CADM2: variants seen among roughly 807,000 people sequenced by gnomAD.
CADM2 encodes the protein immunoglobulin superfamily member 4D.
CADM2 carries 12 observed loss-of-function variants against 49.8 expected under a neutral mutation model. That is an observed-to-expected ratio of 0.24 (90% CI 0.15 to 0.39). CADM2 has a LOEUF of 0.39. Among genes scored for constraint, CADM2 ranks in the 10% least tolerant of loss-of-function variants. The pLI is 1.00. For synonymous variants in CADM2, 214 were observed against 175.4 expected (o/e 1.22, Z -1.74); for missense variants, 378 against 492.3 (o/e 0.77, Z 2.20).
At chr3:85,984,759 C>A (rs1727894116) in intron 8 of CADM2, among the ~76,000 whole-genome samples, 1 of 151,860 alleles carries the variant, frequency 6.6e-6, no homozygotes, top group Non-Finnish European at 1.5e-5. Flanking sequence ...AGTGTTTACA[C>A]AATCCATGTA....
intron 1 of CADM2, among the ~76,000 whole-genome samples, chr3:85,505,415 G>C (rs1044971910): frequency 2.6e-5 from 4 of 152,180 alleles, no homozygotes; most frequent in Non-Finnish European, 4.4e-5. Flanking sequence ...GATTAACACA[G>C]TAACAGCAAA....
intron 1 of CADM2, 63 bp downstream of exon 1, chr3:84,959,731 A>G: frequency 7.1e-7 from 1 of 1,412,042 alleles, no homozygotes; most frequent in Non-Finnish European, 9.6e-7. Flanking sequence ...TCCCCATTCC[A>G]CCCCATATTT....
chr3:85,487,248 C>G (rs1429566394), intron 1 of CADM2, among the ~76,000 whole-genome samples: 1 of 152,186 alleles, frequency 6.6e-6, no homozygotes, highest in East Asian at 1.9e-4. Flanking sequence ...GGCACAGTGG[C>G]TCATGCCTAT....
chr3:85,465,192 CA>C (rs1035203405), intron 1 of CADM2, among the ~76,000 whole-genome samples: 2 of 152,006 alleles, frequency 1.3e-5, no homozygotes, highest in East Asian at 1.9e-4. Flanking sequence ...AACAAACAAA[CA>C]AAAAACATAC....
chr3:85,095,625 A>G (rs905135846), intron 1 of CADM2, among the ~76,000 whole-genome samples: 1 of 152,142 alleles, frequency 6.6e-6, no homozygotes, highest in Admixed American at 6.6e-5. Flanking sequence ...TTAAAAGGAT[A>G]TTTTCCCTAA....
intron 1 of CADM2, among the ~76,000 whole-genome samples, chr3:85,307,599 C>T (rs2107026577): frequency 6.6e-6 from 1 of 151,826 alleles, no homozygotes; most frequent in South Asian, 2.1e-4. Context: ...AGGTCTCAAA[C>T]ATGCTTCTTT....
intron 3 of CADM2, among the ~76,000 whole-genome samples, chr3:85,836,046 A>C (rs1257031717): frequency 6.6e-6 from 1 of 151,446 alleles, no homozygotes; most frequent in African/African-American, 2.4e-5. Flanking sequence ...ACAACTTGTC[A>C]GTTTTGAAAA....
At chr3:85,146,600 C>T (rs2039751448) in intron 1 of CADM2, among the ~76,000 whole-genome samples, 2 of 152,132 alleles carry the variant, frequency 1.3e-5, no homozygotes, top group African/African-American at 4.8e-5. Flanking sequence ...ACTCTGTTGT[C>T]ACATGTTTGA....
intron 1 of CADM2, among the ~76,000 whole-genome samples, chr3:85,359,668 T>TA (rs1559799260): frequency 5.3e-4 from 12 of 22,440 alleles, no homozygotes; most frequent in Middle Eastern, 0.029. Context: ...ATATATATAT[T>TA]TTTTTTTTTG....
chr3:85,687,815 C>A (rs2066260640), intron 1 of CADM2, among the ~76,000 whole-genome samples: 1 of 152,134 alleles, frequency 6.6e-6, no homozygotes, highest in South Asian at 2.1e-4. Context: ...TGCCATGGAC[C>A]AGTACTATGA....
chr3:85,808,589 A>C (rs1469840255), intron 3 of CADM2, among the ~76,000 whole-genome samples: 1 of 152,166 alleles, frequency 6.6e-6, no homozygotes, highest in Non-Finnish European at 1.5e-5. Flanking sequence ...TACTTTGAAC[A>C]AGCATCTCCA....
intron 1 of CADM2, among the ~76,000 whole-genome samples, chr3:85,113,924 A>C (rs2038550732): frequency 6.6e-6 from 1 of 152,112 alleles, no homozygotes; most frequent in Non-Finnish European, 1.5e-5. Context: ...AGAGAAGAAA[A>C]TAAAATTTAA....
chr3:85,869,834 T>A (rs1402974605), intron 3 of CADM2, among the ~76,000 whole-genome samples: 1 of 152,066 alleles, frequency 6.6e-6, no homozygotes, highest in Non-Finnish European at 1.5e-5. Context: ...GCTAATTTTT[T>A]GTATTTTTAG....
Position 85,994,978 on chromosome 3 carries a change from A to C in CADM2, c.970+33331A>C, listed in dbSNP as rs1190996337. Among the ~76,000 whole-genome samples, 4 of 139,332 alleles carry C rather than the reference A, an allele frequency of 2.9e-5. No homozygotes were observed. In the Admixed American group the frequency reaches 3.2e-4, roughly 11 times the overall value. The allele number at this position is 139,332 out of a possible 152,430, so 91.4% of individuals were successfully genotyped here. On this transcript the variant is annotated intron_variant, in intron 8 of 9. Coordinates refer to ENST00000383699, the MANE Select transcript of CADM2 (RefSeq NM_001167675.2). ...GTTGGAAAAATGGTGCCAGCCGACT[A>C]GGTCAATGCAGGGTTGCCACAAATC...
intron 1 of CADM2, among the ~76,000 whole-genome samples, chr3:85,271,634 C>G (rs1370385737): frequency 2.0e-5 from 3 of 150,832 alleles, no homozygotes; most frequent in Non-Finnish European, 4.5e-5. Flanking sequence ...ATTTGTCAGG[C>G]CCAGGTGTCA....
intron 1 of CADM2, among the ~76,000 whole-genome samples, chr3:85,293,835 C>G (rs542038704): frequency 7.4e-5 from 11 of 149,194 alleles, no homozygotes; most frequent in Non-Finnish European, 1.0e-4. Context: ...CAATATCATA[C>G]TGAATGGGCA....
chr3:85,277,770 A>G (rs758005312), intron 1 of CADM2, among the ~76,000 whole-genome samples: 4 of 151,216 alleles, frequency 2.6e-5, no homozygotes. Flanking sequence ...TTTGCCTTTT[A>G]TATTCTATTG....
At chr3:85,742,461 G>C (rs902176171) in intron 2 of CADM2, among the ~76,000 whole-genome samples, 10 of 152,130 alleles carry the variant, frequency 6.6e-5, no homozygotes, top group Admixed American at 6.6e-4. Context: ...GCAAGTACAT[G>C]ATGGACCCTT....
chr3:85,742,684 A>G (rs1003182921), intron 2 of CADM2, among the ~76,000 whole-genome samples: 2 of 152,222 alleles, frequency 1.3e-5, no homozygotes, highest in Non-Finnish European at 2.9e-5. Context: ...CCTGAAATCT[A>G]TCTAAAATTT....
Sources: allele counts gnomAD v4.1 joint callset (sites outside exome capture counted in the v4.1 genomes callset), GRCh38; gene constraint gnomAD v4.1.1; transcripts MANE v1.5; gene names NCBI Gene and HGNC (gene_info 2026-07-23, HGNC 2026-07-21).